Variants in TMEM244 observed in about 807,000 individuals in gnomAD.
The protein encoded by TMEM244 is transmembrane protein 244, also known as putative transmembrane protein 244.
In TMEM244, 13 loss-of-function variants were observed where a neutral mutation model predicts 15.8. The observed-to-expected ratio is 0.82, with a 90% CI of 0.53 to 1.30. TMEM244 has a LOEUF of 1.30. TMEM244 is among the 50% of genes most tolerant of loss of function. The probability of loss-of-function intolerance (pLI) is 0.00; values close to 1 mark genes in which losing one functional copy is unlikely to be tolerated. For missense variants in TMEM244, 161 were observed against 144.9 expected, an observed-to-expected ratio of 1.11 and a Z score of -0.57; for synonymous variants, 45 against 48.7, an observed-to-expected ratio of 0.92 and a Z score of 0.32.
At chr6:129,850,159 A>G (rs1280518062) in intron 1 of TMEM244, among the ~76,000 whole-genome samples, 2 of 152,198 alleles carry the variant, frequency 1.3e-5, no homozygotes, top group African/African-American at 4.8e-5. Flanking sequence ...GAGCTGAGGC[A>G]GTGGCAGGGG....
intron 1 of TMEM244, among the ~76,000 whole-genome samples, chr6:129,854,462 T>G (rs1472603570): frequency 2.6e-5 from 4 of 152,044 alleles, no homozygotes; most frequent in African/African-American, 9.7e-5. Context: ...AAGGAAGAGG[T>G]AAGAAGAGAC....
In TMEM244 at chr6:129,831,347, G is replaced by A; in HGVS notation, c.359C>T (p.Ala120Val). Reference protein sequence around the residue: ...EFPLTSHWWAALGISKLLV With the variant: ...EFPLTSHWWAVLGISKLLV ...AACAAGCAATTTTGATATACCTAAA[G>A]CAGCCCACCAATGTGATGTCAAGGG... The change falls in exon 5 of 5, where the codon GCT becomes GTT. Residue 120 changes from alanine (A) to valine (V), a missense_variant. Transcript: ENST00000368143. 1 of 1,578,448 alleles carries A rather than the reference G, an allele frequency of 6.3e-7. No homozygotes were observed. The highest frequency in any genetic ancestry group is 1.1e-5 in the South Asian group (1 of 90,546).
At chr6:129,842,902 T>G (rs1053828570) in intron 3 of TMEM244, among the ~76,000 whole-genome samples, 6 of 151,168 alleles carry the variant, frequency 4.0e-5, no homozygotes, top group African/African-American at 1.5e-4. Context: ...TATTAATTAA[T>G]AACTATTCAA....
At chr6:129,847,691 A>G (rs1776578888) in intron 1 of TMEM244, among the ~76,000 whole-genome samples, 1 of 151,308 alleles carries the variant, frequency 6.6e-6, no homozygotes, top group African/African-American at 2.4e-5. Context: ...AGCCCTGCTC[A>G]CCAAGTCTCA....
At chr6:129,834,977 A>C (rs1380094682) in intron 3 of TMEM244, among the ~76,000 whole-genome samples, 1 of 151,634 alleles carries the variant, frequency 6.6e-6, no homozygotes, top group Non-Finnish European at 1.5e-5. Flanking sequence ...AGCTGCATTC[A>C]TGTATATTAA....
chr6:129,847,815 C>T (rs1584188557), intron 1 of TMEM244, among the ~76,000 whole-genome samples: 1 of 148,188 alleles, frequency 6.7e-6, no homozygotes, highest in South Asian at 2.1e-4. Context: ...GCTTTTGTTG[C>T]CCAGGCTGGA....
chr6:129,849,949 T>C (rs1285651486), intron 1 of TMEM244, among the ~76,000 whole-genome samples: 1 of 152,192 alleles, frequency 6.6e-6, no homozygotes, highest in African/African-American at 2.4e-5. Flanking sequence ...ACAACACTTA[T>C]TTTAGGTTTT....
At chr6:129,836,298 C>A (rs930045495) in intron 3 of TMEM244, among the ~76,000 whole-genome samples, 5 of 152,150 alleles carry the variant, frequency 3.3e-5, no homozygotes, top group African/African-American at 1.2e-4. Context: ...GGACCTCCAG[C>A]AAACCCCAAC....
chr6:129,837,014 C>T (rs1193988345), intron 3 of TMEM244, among the ~76,000 whole-genome samples: 1 of 152,142 alleles, frequency 6.6e-6, no homozygotes, highest in African/African-American at 2.4e-5. Flanking sequence ...GGATATCATC[C>T]AGGAGAACTT....
chr6:129,838,985 A>G (rs1253158519), intron 3 of TMEM244, among the ~76,000 whole-genome samples: 1 of 152,226 alleles, frequency 6.6e-6, no homozygotes, highest in Non-Finnish European at 1.5e-5. Context: ...TTCATAGCCA[A>G]ATTCTACCAG....
chr6:129,860,582 T>G (rs1164109740), intron 1 of TMEM244, among the ~76,000 whole-genome samples: 1 of 152,218 alleles, frequency 6.6e-6, no homozygotes, highest in Non-Finnish European at 1.5e-5. Context: ...ATTATAGGCC[T>G]AAAGCCTGTA....
At chr6:129,841,492 CA>C in intron 3 of TMEM244, among the ~76,000 whole-genome samples, 1 of 151,972 alleles carries the variant, frequency 6.6e-6, no homozygotes, top group Non-Finnish European at 1.5e-5. Flanking sequence ...ATGGGTGCAG[CA>C]AACCAACATG....
At chr6:129,848,488 GGAA>G (rs1488652565) in intron 1 of TMEM244, among the ~76,000 whole-genome samples, 1 of 152,270 alleles carries the variant, frequency 6.6e-6, no homozygotes, top group South Asian at 2.1e-4. Context: ...CTATTAGCAG[GGAA>G]GAAGGAGTTG....
intron 3 of TMEM244, among the ~76,000 whole-genome samples, chr6:129,839,319 G>A (rs1322494296): frequency 2.6e-5 from 4 of 152,132 alleles, no homozygotes; most frequent in African/African-American, 9.7e-5. Context: ...CAGAACCAAT[G>A]ACAAAAACCA....
At chr6:129,853,414 T>G (rs1776661185) in intron 1 of TMEM244, among the ~76,000 whole-genome samples, 1 of 152,164 alleles carries the variant, frequency 6.6e-6, no homozygotes, top group African/African-American at 2.4e-5. Context: ...CGTATAATAT[T>G]CAAACACATA....
intron 1 of TMEM244, among the ~76,000 whole-genome samples, chr6:129,857,317 T>TACACACAC (rs139849085): frequency 3.0e-4 from 44 of 148,742 alleles, no homozygotes; most frequent in Non-Finnish European, 3.7e-4. Flanking sequence ...TATGTGTGTA[T>TACACACAC]ACACACACAC....
chr6:129,839,617 T>C (rs1236104766), intron 3 of TMEM244, among the ~76,000 whole-genome samples: 1 of 152,120 alleles, frequency 6.6e-6, no homozygotes, highest in Non-Finnish European at 1.5e-5. Flanking sequence ...CGTATTCAAT[T>C]AGGAAAAGAG....
At chr6:129,839,104 A>C (rs1211376097) in intron 3 of TMEM244, among the ~76,000 whole-genome samples, 1 of 152,170 alleles carries the variant, frequency 6.6e-6, no homozygotes, top group African/African-American at 2.4e-5. Flanking sequence ...CTGATACCAA[A>C]GCCTGGTAGA....
intron 3 of TMEM244, among the ~76,000 whole-genome samples, chr6:129,838,214 C>A (rs1776436118): frequency 6.6e-6 from 1 of 152,202 alleles, no homozygotes. Flanking sequence ...GAAATCACAA[C>A]AAACTGTCTC....
Sources: allele counts gnomAD v4.1 joint callset (sites outside exome capture counted in the v4.1 genomes callset), GRCh38; gene constraint gnomAD v4.1.1; transcripts MANE v1.5; gene names NCBI Gene and HGNC (gene_info 2026-07-23, HGNC 2026-07-21).